Variants in MAP3K5 observed in about 807,000 individuals in gnomAD.
MAP3K5 encodes the protein mitogen-activated protein kinase kinase kinase 5, also known as ASK-1.
Under a neutral mutation model 158.7 loss-of-function variants are expected in MAP3K5, and 56 were observed. The observed-to-expected ratio is 0.35, with a 90% CI of 0.28 to 0.44. The LOEUF (loss-of-function observed/expected upper bound fraction) is 0.44. MAP3K5 is among the 20% of genes least tolerant of loss of function. The probability of loss-of-function intolerance (pLI) is 1.00; values close to 1 mark genes in which losing one functional copy is unlikely to be tolerated. For missense variants in MAP3K5, 1,294 were observed against 1,674.8 expected (o/e 0.77, Z 3.97); for synonymous variants, 579 against 601.7 (o/e 0.96, Z 0.55).
At chr6:136,775,749 T>C (rs1272876956) in intron 1 of MAP3K5, among the ~76,000 whole-genome samples, 3 of 152,230 alleles carry the variant, frequency 2.0e-5, no homozygotes, top group African/African-American at 7.2e-5. Context: ...AACTAAGGCA[T>C]GGCAATATAC....
intron 1 of MAP3K5, among the ~76,000 whole-genome samples, chr6:136,741,089 C>T (rs990691179): frequency 1.3e-5 from 2 of 152,044 alleles, no homozygotes; most frequent in South Asian, 2.1e-4. Context: ...ATGACAGTAG[C>T]AATGTGAGCC....
At chr6:136,777,567 G>A (rs1348110821) in intron 1 of MAP3K5, among the ~76,000 whole-genome samples, 6 of 152,118 alleles carry the variant, frequency 3.9e-5, no homozygotes, top group Non-Finnish European at 7.3e-5. Context: ...CACATCAACT[G>A]TATGTATGTG....
chr6:136,721,969 G>T (rs1381367852), intron 1 of MAP3K5, among the ~76,000 whole-genome samples: 1 of 152,092 alleles, frequency 6.6e-6, no homozygotes, highest in African/African-American at 2.4e-5. Flanking sequence ...GTGCATCTAG[G>T]TATTCCCATG....
chr6:136,751,842 A>C (rs1202363589), intron 1 of MAP3K5, among the ~76,000 whole-genome samples: 1 of 152,242 alleles, frequency 6.6e-6, no homozygotes, highest in Non-Finnish European at 1.5e-5. Flanking sequence ...AACGAAGCCA[A>C]GCCACTCCTA....
rs1775783506 is a variant in MAP3K5 at position 136,599,465 on chromosome 6, C to CACTTAAAG, written c.2878+1549_2878+1556dup. 2.7e-5 allele frequency among the ~76,000 whole-genome samples: 4 copies of CACTTAAAG among 150,650 alleles called. No individual in the cohort carries two copies. In the South Asian group the frequency reaches 8.4e-4, roughly 31 times the overall value. On this transcript the variant is annotated intron_variant, in intron 21 of 29. Transcript: ENST00000359015. Reference sequence around the variant, plus strand: ...GTCACTGAGAAGACATAGAACTGTCCACTTAAAGGATCTCTCTCTCTCTCT... The same window carrying CACTTAAAG: ...GTCACTGAGAAGACATAGAACTGTCCACTTAAAGACTTAAAGGATCTCTCTCTCTCTCT...
At chr6:136,616,178 A>G (rs1776553767) in intron 15 of MAP3K5, among the ~76,000 whole-genome samples, 1 of 152,182 alleles carries the variant, frequency 6.6e-6, no homozygotes, top group South Asian at 2.1e-4. Context: ...TAACACCAGA[A>G]ATATCAATAT....
chr6:136,746,507 G>A (rs1181606820), intron 1 of MAP3K5, among the ~76,000 whole-genome samples: 2 of 152,136 alleles, frequency 1.3e-5, no homozygotes, highest in African/African-American at 2.4e-5. Flanking sequence ...CGGAAAGAAT[G>A]CCGGATACAC....
Position 136,757,579 on chromosome 6 carries a change from A to ATTTATTTTTT in MAP3K5, c.448+34130_448+34131insAAAAAATAAA, listed in dbSNP as rs1562679137. 1.4e-4 allele frequency among the ~76,000 whole-genome samples: 16 copies of ATTTATTTTTT among 111,960 alleles called. 1 individual carries two copies. Among genetic ancestry groups the ATTTATTTTTT allele is most frequent in the East Asian group, 8.9e-4 (3 of 3,388 alleles). The allele number at this position is 111,960 out of a possible 152,430, so 73.5% of individuals were successfully genotyped here. ...ACTCATTTTATAGATTTATTTATTT[A>ATTTATTTTTT]TTTTTTATTTTTTTTTTTTTTTTTT... On this transcript the variant is annotated intron_variant, in intron 1 of 29. Coordinates refer to ENST00000359015, the MANE Select transcript of MAP3K5 (RefSeq NM_005923.4).
intron 8 of MAP3K5, among the ~76,000 whole-genome samples, chr6:136,662,874 C>T (rs578163059): frequency 3.9e-5 from 6 of 152,194 alleles, no homozygotes; most frequent in Non-Finnish European, 8.8e-5. Flanking sequence ...GTGTTAACAA[C>T]CACTTCACCA....
chr6:136,667,908 G>A (rs1355571400), intron 8 of MAP3K5, among the ~76,000 whole-genome samples: 2 of 151,696 alleles, frequency 1.3e-5, no homozygotes, highest in East Asian at 3.9e-4. Flanking sequence ...CTATCCCACA[G>A]TAATAAATAC....
chr6:136,624,107 T>C (rs1776929696), intron 14 of MAP3K5, among the ~76,000 whole-genome samples: 2 of 152,184 alleles, frequency 1.3e-5, no homozygotes, highest in Admixed American at 6.5e-5. Flanking sequence ...GGCAGGAGAA[T>C]TGGTTGAACC....
At chr6:136,558,115 A>C (rs1355484720) in intron 29 of MAP3K5, among the ~76,000 whole-genome samples, 1 of 152,242 alleles carries the variant, frequency 6.6e-6, no homozygotes, top group South Asian at 2.1e-4. Flanking sequence ...GCGGTGGCGC[A>C]TGCCTGTAAT....
intron 1 of MAP3K5, among the ~76,000 whole-genome samples, chr6:136,737,690 CAT>C (rs931479562): frequency 2.6e-5 from 4 of 152,216 alleles, no homozygotes; most frequent in African/African-American, 4.8e-5. Context: ...TTTTAACACA[CAT>C]GATTGTCTAT....
At chr6:136,598,987 A>G (rs1436210496) in intron 21 of MAP3K5, among the ~76,000 whole-genome samples, 1 of 152,168 alleles carries the variant, frequency 6.6e-6, no homozygotes, top group Admixed American at 6.5e-5. Flanking sequence ...CCTGGCCAAC[A>G]TGGCGAAACC....
intron 15 of MAP3K5, among the ~76,000 whole-genome samples, chr6:136,618,279 T>C (rs1475293910): frequency 1.3e-5 from 2 of 152,250 alleles, no homozygotes; most frequent in Non-Finnish European, 2.9e-5. Flanking sequence ...GTTACATGGA[T>C]AGAAACAACT....
rs111549688 is a variant in MAP3K5, at chr6:136,772,102, G to T, written c.448+19608C>A. 5.6e-3 allele frequency among the ~76,000 whole-genome samples: 809 copies of T among 143,776 alleles called. 17 individuals carry two copies. The highest frequency in any genetic ancestry group is 0.02 in the African/African-American group (765 of 38,622). 94.3% of individuals were successfully genotyped at this position (143,776 alleles called of 152,430 possible). ...TTTTGTATTTTTTAGTAGAAATGGG[G>T]GGGGGGGGTTTACCATGTTGGCCAG... is the stretch of plus-strand genomic sequence containing the variant. On this transcript the variant is annotated intron_variant, in intron 1 of 29. Transcript: ENST00000359015.
intron 7 of MAP3K5, among the ~76,000 whole-genome samples, chr6:136,672,989 C>CAAA (rs538682132): frequency 2.3e-4 from 19 of 83,980 alleles, no homozygotes; most frequent in African/African-American, 6.5e-4. Flanking sequence ...GACTCTATCT[C>CAAA]AAAAAAAAAA....
At chr6:136,649,500 T>C (rs1778424561) in intron 11 of MAP3K5, among the ~76,000 whole-genome samples, 1 of 152,352 alleles carries the variant, frequency 6.6e-6, no homozygotes, top group Non-Finnish European at 1.5e-5. Flanking sequence ...TAAAAATGCA[T>C]GTGTCCAAGC....
chr6:136,703,547 C>T (rs1278709324), intron 3 of MAP3K5, among the ~76,000 whole-genome samples: 2 of 152,352 alleles, frequency 1.3e-5, no homozygotes, highest in African/African-American at 2.4e-5. Flanking sequence ...GCCTGGCGTG[C>T]AGCGCATGTC....
Sources: allele counts gnomAD v4.1 joint callset (sites outside exome capture counted in the v4.1 genomes callset), GRCh38; gene constraint gnomAD v4.1.1; transcripts MANE v1.5; gene names NCBI Gene and HGNC (gene_info 2026-07-23, HGNC 2026-07-21).